Variants in FHIT observed in about 807,000 individuals in gnomAD.
FHIT encodes the protein fragile histidine triad diadenosine triphosphatase, also known as bis(5'-adenosyl)-triphosphatase.
FHIT carries 19 observed loss-of-function variants against 17.9 expected under a neutral mutation model. The ratio of observed to expected loss-of-function variants is 1.06; its 90% CI spans 0.74 to 1.56. The LOEUF (loss-of-function observed/expected upper bound fraction) is 1.56. FHIT is among the 40% of genes most tolerant of loss of function. The pLI, the probability that FHIT is intolerant of heterozygous loss-of-function variation, is 0.00. For missense variants in FHIT, 248 were observed against 189.2 expected, an observed-to-expected ratio of 1.31 and a Z score of -1.82; for synonymous variants, 81 against 69.7, an observed-to-expected ratio of 1.16 and a Z score of -0.81.
intron 5 of FHIT, among the ~76,000 whole-genome samples, chr3:60,407,334 T>C (rs1303346692): frequency 1.3e-5 from 2 of 151,716 alleles, no homozygotes; most frequent in African/African-American, 4.8e-5. Context: ...GTCCAGAGGG[T>C]TGCTATTACA....
intron 5 of FHIT, among the ~76,000 whole-genome samples, chr3:60,226,136 G>C (rs141290906): frequency 6.6e-6 from 1 of 152,076 alleles, no homozygotes; most frequent in Non-Finnish European, 1.5e-5. Context: ...TGGTGAAGAA[G>C]GACCAGAGGA....
At chr3:60,722,461 G>T (rs924062788) in intron 4 of FHIT, among the ~76,000 whole-genome samples, 2 of 152,138 alleles carry the variant, frequency 1.3e-5, no homozygotes, top group Non-Finnish European at 2.9e-5. Context: ...GTCTTAAGCT[G>T]CACTATAAAT....
At chr3:60,306,958 A>G (rs1289882723) in intron 5 of FHIT, among the ~76,000 whole-genome samples, 1 of 152,148 alleles carries the variant, frequency 6.6e-6, no homozygotes, top group Non-Finnish European at 1.5e-5. Flanking sequence ...CACTTCTTTT[A>G]TAATTAGGCA....
intron 4 of FHIT, among the ~76,000 whole-genome samples, chr3:60,711,139 A>T (rs909272239): frequency 1.6e-4 from 25 of 152,146 alleles, no homozygotes; most frequent in African/African-American, 5.8e-4. Flanking sequence ...TTCTGCAGAC[A>T]CCACTGCTGA....
At chr3:59,991,042 G>A (rs1709209119) in intron 7 of FHIT, among the ~76,000 whole-genome samples, 1 of 151,998 alleles carries the variant, frequency 6.6e-6, no homozygotes, top group African/African-American at 2.4e-5. Flanking sequence ...TCCAGATGAG[G>A]TATTGTGGGT....
chr3:60,448,356 A>G (rs2031487483), intron 5 of FHIT, among the ~76,000 whole-genome samples: 3 of 152,228 alleles, frequency 2.0e-5, no homozygotes, highest in Admixed American at 2.0e-4. Context: ...ACTTAGGTCT[A>G]AAAGCAAACA....
chr3:61,102,967 G>C (rs527294434), intron 2 of FHIT, among the ~76,000 whole-genome samples: 1 of 152,138 alleles, frequency 6.6e-6, no homozygotes, highest in South Asian at 2.1e-4. Context: ...AGTCTTGCTA[G>C]TGGTCTATCA....
intron 1 of FHIT, among the ~76,000 whole-genome samples, chr3:61,218,090 G>A (rs1368958419): frequency 6.6e-6 from 1 of 152,126 alleles, no homozygotes; most frequent in East Asian, 1.9e-4. Context: ...TAGCTAAGAG[G>A]GGAGGTCTGA....
intron 5 of FHIT, among the ~76,000 whole-genome samples, chr3:60,038,730 G>A (rs1001693424): frequency 6.6e-6 from 1 of 152,102 alleles, no homozygotes; most frequent in Admixed American, 6.5e-5. Flanking sequence ...TATTCCAATA[G>A]AGCAGAAGAA....
intron 5 of FHIT, among the ~76,000 whole-genome samples, chr3:60,137,798 A>C (rs889553891): frequency 6.6e-6 from 1 of 152,222 alleles, no homozygotes; most frequent in Non-Finnish European, 1.5e-5. Context: ...CCACTCAATA[A>C]GTATATGATA....
chr3:60,166,121 A>G (rs1397721163), intron 5 of FHIT, among the ~76,000 whole-genome samples: 3 of 152,142 alleles, frequency 2.0e-5, no homozygotes, highest in Non-Finnish European at 4.4e-5. Context: ...ATGAGAATCA[A>G]TTAAAAAGTG....
intron 5 of FHIT, among the ~76,000 whole-genome samples, chr3:60,445,482 A>G (rs1156408596): frequency 2.0e-5 from 2 of 100,638 alleles, no homozygotes; most frequent in African/African-American, 7.2e-5. Context: ...GAAGAAGAAG[A>G]AAAAAAAAAG....
chr3:60,514,876 CCCA>C (rs138698662), intron 5 of FHIT, among the ~76,000 whole-genome samples: 23,886 of 151,778 alleles, frequency 0.16, 2,180 homozygotes, highest in Middle Eastern at 0.25. Flanking sequence ...TGAGGACTCT[CCCA>C]CCAACAGCCA....
chr3:60,885,903 T>G (rs1291610309), intron 3 of FHIT, among the ~76,000 whole-genome samples: 1 of 152,072 alleles, frequency 6.6e-6, no homozygotes, highest in Non-Finnish European at 1.5e-5. Context: ...CTTAGGAATA[T>G]CCTCAATGCC....
chr3:60,685,813 T>C (rs571522277), intron 4 of FHIT, among the ~76,000 whole-genome samples: 370 of 152,258 alleles, frequency 2.4e-3, no homozygotes, highest in African/African-American at 8.7e-3. Flanking sequence ...GTATTATAAA[T>C]CCCATAAAAA....
intron 4 of FHIT, among the ~76,000 whole-genome samples, chr3:60,698,953 T>C (rs891273225): frequency 6.6e-6 from 1 of 152,214 alleles, no homozygotes; most frequent in African/African-American, 2.4e-5. Flanking sequence ...TTCATCTTAA[T>C]ACATAAGCGT....
intron 2 of FHIT, among the ~76,000 whole-genome samples, chr3:61,097,220 G>T (rs1264170954): frequency 6.6e-6 from 1 of 152,126 alleles, no homozygotes; most frequent in Non-Finnish European, 1.5e-5. Context: ...TCATCTCACT[G>T]GGGCATGTCA....
chr3:60,548,438 C>T (rs147590492), intron 4 of FHIT, among the ~76,000 whole-genome samples: 1 of 152,158 alleles, frequency 6.6e-6, no homozygotes, highest in African/African-American at 2.4e-5. Flanking sequence ...ACCCACTGGC[C>T]GAAGTTTAAG....
At chr3:60,557,516 GA>G (rs1159473041) in intron 4 of FHIT, among the ~76,000 whole-genome samples, 1 of 151,846 alleles carries the variant, frequency 6.6e-6, no homozygotes, top group African/African-American at 2.4e-5. Context: ...AGATTACTCA[GA>G]GTCCATAAGG....
Sources: allele counts gnomAD v4.1 joint callset (sites outside exome capture counted in the v4.1 genomes callset), GRCh38; gene constraint gnomAD v4.1.1; transcripts MANE v1.5; gene names NCBI Gene and HGNC (gene_info 2026-07-23, HGNC 2026-07-21).